Variants in ZC3H12B observed in about 807,000 individuals in gnomAD.
The protein encoded by ZC3H12B is probable ribonuclease ZC3H12B.
Under a neutral mutation model 43.9 loss-of-function variants are expected in ZC3H12B, and 7 were observed. The ratio of observed to expected loss-of-function variants is 0.16; its 90% CI spans 0.09 to 0.30. The LOEUF (loss-of-function observed/expected upper bound fraction) is 0.30, where lower values mean the gene tolerates loss of function less well. Among genes scored for constraint, ZC3H12B ranks in the 10% least tolerant of loss-of-function variants. The pLI, the probability that ZC3H12B is intolerant of heterozygous loss-of-function variation, is 1.00. For synonymous variants in ZC3H12B, 222 were observed against 241.7 expected, an observed-to-expected ratio of 0.92 and a Z score of 0.76; for missense variants, 475 against 670.2, an observed-to-expected ratio of 0.71 and a Z score of 3.22.
the ZC3H12B span, among the ~76,000 whole-genome samples, chrX:65,173,580 T>C: frequency 8.9e-6 from 1 of 112,001 alleles, no homozygotes; most frequent in South Asian, 3.7e-4. Context: ...GCTCTTATTA[T>C]TTTGAGATAT....
At chrX:65,378,038 G>A (rs755680842) in intron 2 of ZC3H12B, among the ~76,000 whole-genome samples, 2 of 110,790 alleles carry the variant, frequency 1.8e-5, no homozygotes, top group South Asian at 3.9e-4. Context: ...GGTGAAGCTT[G>A]CAGTGAGTGG....
the ZC3H12B span, among the ~76,000 whole-genome samples, chrX:65,154,920 TTATC>T: frequency 9.0e-6 from 1 of 111,413 alleles, no homozygotes; most frequent in African/African-American, 3.3e-5. Flanking sequence ...TAAATGGTTA[TTATC>T]TATTAGCTCA....
At chrX:65,054,800 C>T in the ZC3H12B span, among the ~76,000 whole-genome samples, 3 of 111,385 alleles carry the variant, frequency 2.7e-5, no homozygotes, top group Non-Finnish European at 5.6e-5. Context: ...AGAAGTCCTT[C>T]ACATCCCTTG....
the ZC3H12B span, among the ~76,000 whole-genome samples, chrX:65,231,291 C>T: frequency 3.6e-5 from 4 of 111,118 alleles, no homozygotes; most frequent in Non-Finnish European, 7.5e-5. Flanking sequence ...AGAGCAAGAT[C>T]ACAAGGCAAG....
intron 3 of ZC3H12B, among the ~76,000 whole-genome samples, chrX:65,458,062 TAAAAAAAAAA>T (rs56840636): frequency 1.9e-4 from 3 of 15,873 alleles, no homozygotes; most frequent in African/African-American, 7.2e-4. Flanking sequence ...GAATGATCAA[TAAAAAAAAAA>T]AAAAAAAAAA....
chrX:65,307,262 C>T, the ZC3H12B span, among the ~76,000 whole-genome samples: 1 of 111,598 alleles, frequency 9.0e-6, no homozygotes, highest in Admixed American at 9.5e-5. Context: ...GTCTAGTATC[C>T]AGTCAAAAAT....
the ZC3H12B span, among the ~76,000 whole-genome samples, chrX:65,047,718 T>C: frequency 1.8e-5 from 2 of 111,294 alleles, no homozygotes; most frequent in Non-Finnish European, 3.8e-5. Flanking sequence ...TTCAATGATA[T>C]ATATTTTTCC....
At chrX:65,224,632 G>A in the ZC3H12B span, among the ~76,000 whole-genome samples, 1 of 112,147 alleles carries the variant, frequency 8.9e-6, no homozygotes, top group East Asian at 2.8e-4. Context: ...AAAGAAAGGG[G>A]TGACAGATGG....
the ZC3H12B span, among the ~76,000 whole-genome samples, chrX:65,206,356 CCAAA>C: frequency 3.6e-5 from 4 of 111,625 alleles, no homozygotes; most frequent in African/African-American, 1.3e-4. Flanking sequence ...AGAAATAAAG[CCAAA>C]CACTTACAGC....
chrX:65,276,746 C>T, the ZC3H12B span, among the ~76,000 whole-genome samples: 2 of 111,389 alleles, frequency 1.8e-5, no homozygotes, highest in African/African-American at 6.5e-5. Context: ...GAGCTGAACA[C>T]AAAGGATAAA....
intron 3 of ZC3H12B, among the ~76,000 whole-genome samples, chrX:65,436,000 CAAAG>C (rs1250060633): frequency 1.8e-5 from 2 of 111,910 alleles, no homozygotes; most frequent in Non-Finnish European, 3.8e-5. Flanking sequence ...GAGTAATTTA[CAAAG>C]AAACAGGTTA....
chrX:65,300,937 A>G, the ZC3H12B span, among the ~76,000 whole-genome samples: 7 of 110,765 alleles, frequency 6.3e-5, no homozygotes, highest in African/African-American at 2.3e-4. Context: ...CATGCATCTG[A>G]CAAAGGACTA....
chrX:65,143,048 G>A, the ZC3H12B span, among the ~76,000 whole-genome samples: 1 of 110,145 alleles, frequency 9.1e-6, no homozygotes, highest in African/African-American at 3.3e-5. Context: ...GAATAATGGT[G>A]GTATTTTGAT....
At chrX:65,408,813 C>G (rs1392201260) in intron 3 of ZC3H12B, 1 of 418,140 alleles carries the variant, frequency 2.4e-6, no homozygotes. Flanking sequence ...AAACACAGGT[C>G]ACCCTGGAAG....
the ZC3H12B span, among the ~76,000 whole-genome samples, chrX:65,290,853 G>T: frequency 1.8e-5 from 2 of 110,714 alleles, no homozygotes; most frequent in African/African-American, 3.3e-5. Flanking sequence ...GACTGGAAAG[G>T]TGAATGGGGG....
intron 3 of ZC3H12B, among the ~76,000 whole-genome samples, chrX:65,410,586 C>T (rs2066893016): frequency 9.0e-6 from 1 of 111,036 alleles, no homozygotes; most frequent in Non-Finnish European, 1.9e-5. Flanking sequence ...GATTAATAAC[C>T]AGAATATATA....
chrX:65,220,787 G>T, the ZC3H12B span, among the ~76,000 whole-genome samples: 5 of 111,519 alleles, frequency 4.5e-5, no homozygotes, highest in Non-Finnish European at 9.4e-5. Context: ...GCAGTAGACA[G>T]GTTATCAAGA....
At chrX:65,179,476 A>C in the ZC3H12B span, among the ~76,000 whole-genome samples, 1 of 111,145 alleles carries the variant, frequency 9.0e-6, no homozygotes, top group Non-Finnish European at 1.9e-5. Flanking sequence ...AGCAGAAGAC[A>C]TGAAATAACT....
At chrX:65,283,624 A>G in the ZC3H12B span, among the ~76,000 whole-genome samples, 1 of 112,159 alleles carries the variant, frequency 8.9e-6, no homozygotes, top group Non-Finnish European at 1.9e-5. Context: ...ACTTCAGCAA[A>G]GTCTCAGGAG....
Sources: allele counts gnomAD v4.1 joint callset (sites outside exome capture counted in the v4.1 genomes callset), GRCh38; gene constraint gnomAD v4.1.1; transcripts MANE v1.5; gene names NCBI Gene and HGNC (gene_info 2026-07-23, HGNC 2026-07-21).